The following CNTNAP5 variants were observed in gnomAD, a reference collection of about 807,000 sequenced individuals.
CNTNAP5 encodes the protein contactin-associated protein-like 5.
In CNTNAP5, 72 loss-of-function variants were observed where a neutral mutation model predicts 150.2. The ratio of observed to expected loss-of-function variants is 0.48; its 90% CI spans 0.40 to 0.58. The LOEUF is 0.58. CNTNAP5 is among the 20% of genes least tolerant of loss of function. The pLI, the probability that CNTNAP5 is intolerant of heterozygous loss-of-function variation, is 0.00. For synonymous variants in CNTNAP5, 672 were observed against 619.8 expected (o/e 1.08, Z -1.25); for missense variants, 1,636 against 1,626.2 (o/e 1.01, Z -0.10).
intron 11 of CNTNAP5, among the ~76,000 whole-genome samples, chr2:124,606,932 T>TA (rs1253363720): frequency 2.0e-5 from 3 of 151,814 alleles, no homozygotes; most frequent in East Asian, 1.9e-4. Context: ...TAAAAACTCA[T>TA]AAAAAAAGGA....
intron 8 of CNTNAP5, among the ~76,000 whole-genome samples, chr2:124,517,141 GTTGGTGATGGAGCATTGTGGTA>G (rs1388767722): frequency 5.3e-5 from 8 of 152,116 alleles, no homozygotes; most frequent in Non-Finnish European, 1.5e-5. Flanking sequence ...GTGCTGTGGT[GTTGGTGATGGAGCATTGTGGTA>G]TTGGTGATGG....
intron 3 of CNTNAP5, among the ~76,000 whole-genome samples, chr2:124,400,605 C>A (rs1691385546): frequency 6.6e-6 from 1 of 151,772 alleles, no homozygotes; most frequent in Non-Finnish European, 1.5e-5. Flanking sequence ...GCTCTAGTTC[C>A]CTACCTCATT....
chr2:124,670,355 G>T (rs1039334526), intron 13 of CNTNAP5, among the ~76,000 whole-genome samples: 1 of 151,668 alleles, frequency 6.6e-6, no homozygotes, highest in Non-Finnish European at 1.5e-5. Context: ...GTACTTGCTG[G>T]CCATCTGTGT....
intron 1 of CNTNAP5, among the ~76,000 whole-genome samples, chr2:124,212,718 G>T (rs1686045538): frequency 6.6e-6 from 1 of 151,738 alleles, no homozygotes; most frequent in Non-Finnish European, 1.5e-5. Flanking sequence ...CTAACAACAG[G>T]TCACTTACTC....
chr2:124,124,544 AT>A (rs1177630703), intron 1 of CNTNAP5, among the ~76,000 whole-genome samples: 2 of 152,232 alleles, frequency 1.3e-5, no homozygotes, highest in Non-Finnish European at 2.9e-5. Flanking sequence ...CTACGTTCAA[AT>A]TCAGGAAACA....
intron 1 of CNTNAP5, among the ~76,000 whole-genome samples, chr2:124,203,077 C>T (rs1200663244): frequency 6.6e-6 from 1 of 152,070 alleles, no homozygotes; most frequent in Non-Finnish European, 1.5e-5. Context: ...AAATCAGAAG[C>T]AACTTAGTTA....
At chr2:124,523,260 C>T (rs1193261597) in intron 8 of CNTNAP5, among the ~76,000 whole-genome samples, 2 of 152,168 alleles carry the variant, frequency 1.3e-5, no homozygotes, top group Non-Finnish European at 2.9e-5. Flanking sequence ...CAAACATTGT[C>T]CTCTTTGCAA....
At chr2:124,175,053 G>A (rs1035888024) in intron 1 of CNTNAP5, among the ~76,000 whole-genome samples, 1 of 152,126 alleles carries the variant, frequency 6.6e-6, no homozygotes, top group Non-Finnish European at 1.5e-5. Flanking sequence ...ATAATGTTAT[G>A]CACACTTAAT....
At chr2:124,461,944 G>C (rs1000126045) in intron 6 of CNTNAP5, among the ~76,000 whole-genome samples, 4 of 150,394 alleles carry the variant, frequency 2.7e-5, no homozygotes, top group Admixed American at 2.7e-4. Context: ...ATTTGTCTCA[G>C]GTCAGGAAAT....
At position 124,642,001 on chromosome 2, in the gene CNTNAP5, A is replaced by T. The variant is rs147665804; in HGVS notation, c.1877-5757A>T. Among the ~76,000 whole-genome samples, 403 of 152,326 alleles carry T rather than the reference A, an allele frequency of 2.6e-3. 2 individuals are homozygous for T. Among genetic ancestry groups the T allele is most frequent in the African/African-American group, 9.1e-3 (378 of 41,572 alleles). ...GTAATTACTATTATTAATAATAATG[A>T]TCATCATAATCAGACCAATCTGATA... On this transcript the variant is annotated intron_variant, in intron 12 of 23. Coordinates refer to ENST00000682447, the MANE Select transcript of CNTNAP5 (RefSeq NM_001367498.1).
In CNTNAP5 at chr2:124,504,428, A is replaced by C. The variant is rs760699033; in HGVS notation, c.1199A>C (p.Asn400Thr). The change falls in exon 8 of 24, where the codon AAC becomes ACC. Residue 400 changes from asparagine to threonine, a missense_variant. By Grantham distance (65) the Asn-to-Thr change is moderately conservative (BLOSUM62 0). Coordinates refer to ENST00000682447, the MANE Select transcript of CNTNAP5 (RefSeq NM_001367498.1). Reference protein sequence around the residue: ...LSVSFQFRTWNKDGLLLSTEL... With the variant: ...LSVSFQFRTWTKDGLLLSTEL... Reference sequence around the variant, plus strand: ...GTGAGTTTCCAGTTTCGAACATGGAACAAGGATGGTCTGCTTCTGTCCACA... The same window carrying C: ...GTGAGTTTCCAGTTTCGAACATGGACCAAGGATGGTCTGCTTCTGTCCACA... 9.3e-6 allele frequency: 15 copies of C among 1,613,770 alleles called. No individual in the cohort carries two copies. Among genetic ancestry groups the C allele is most frequent in the Non-Finnish European group, 1.2e-5 (14 of 1,179,848 alleles).
At chr2:124,607,752 G>A (rs1464031545) in intron 11 of CNTNAP5, among the ~76,000 whole-genome samples, 1 of 152,154 alleles carries the variant, frequency 6.6e-6, no homozygotes, top group Admixed American at 6.5e-5. Flanking sequence ...TTTCCCTTTT[G>A]TGGGACAACA....
At chr2:124,276,534 G>A (rs1202304728) in intron 3 of CNTNAP5, among the ~76,000 whole-genome samples, 1 of 152,086 alleles carries the variant, frequency 6.6e-6, no homozygotes, top group Non-Finnish European at 1.5e-5. Flanking sequence ...GTACATGTTT[G>A]GATGATGAGC....
At chr2:124,448,869 G>T (rs1295007139) in intron 6 of CNTNAP5, among the ~76,000 whole-genome samples, 4 of 152,160 alleles carry the variant, frequency 2.6e-5, no homozygotes, top group Non-Finnish European at 5.9e-5. Flanking sequence ...TAAATTGTGT[G>T]CTACAAGTTG....
intron 3 of CNTNAP5, among the ~76,000 whole-genome samples, chr2:124,400,669 GTT>G (rs760418441): frequency 2.1e-4 from 18 of 84,480 alleles, no homozygotes; most frequent in South Asian, 4.9e-4. Context: ...TAAAGGCATT[GTT>G]TTTTTTTTTT....
At chr2:124,458,988 A>C (rs1693186599) in intron 6 of CNTNAP5, among the ~76,000 whole-genome samples, 1 of 152,214 alleles carries the variant, frequency 6.6e-6, no homozygotes, top group South Asian at 2.1e-4. Flanking sequence ...ATATAAAAGA[A>C]ACAGTGATGT....
At chr2:124,786,029 G>A (rs571522483) in intron 17 of CNTNAP5, among the ~76,000 whole-genome samples, 14 of 151,954 alleles carry the variant, frequency 9.2e-5, no homozygotes, top group Non-Finnish European at 1.3e-4. Flanking sequence ...CGAGCTCAGC[G>A]TTTTGAGATA....
At chr2:124,083,995 T>A (rs895041155) in intron 1 of CNTNAP5, among the ~76,000 whole-genome samples, 2 of 152,102 alleles carry the variant, frequency 1.3e-5, no homozygotes, top group Non-Finnish European at 2.9e-5. Flanking sequence ...ATCTGTACTA[T>A]ATTGAATTTT....
intron 21 of CNTNAP5, among the ~76,000 whole-genome samples, chr2:124,883,685 T>C (rs1482172732): frequency 6.6e-6 from 1 of 152,132 alleles, no homozygotes; most frequent in African/African-American, 2.4e-5. Flanking sequence ...CATTTGTCCA[T>C]GTGTGTACAC....
Sources: allele counts gnomAD v4.1 joint callset (sites outside exome capture counted in the v4.1 genomes callset), GRCh38; gene constraint gnomAD v4.1.1; transcripts MANE v1.5; gene names NCBI Gene and HGNC (gene_info 2026-07-23, HGNC 2026-07-21).